Variants in ADAM2 observed in about 807,000 individuals in gnomAD.
The protein encoded by ADAM2 is ADAM metallopeptidase domain 2.
Under a neutral mutation model 99.3 loss-of-function variants are expected in ADAM2, and 101 were observed. The observed-to-expected ratio is 1.02, with a 90% CI of 0.87 to 1.20. The LOEUF is 1.20. Ranked by LOEUF, ADAM2 falls within the 50% of genes most tolerant of loss-of-function variation. The pLI is 0.00. For synonymous variants in ADAM2, 323 were observed against 287.6 expected, an observed-to-expected ratio of 1.12 and a Z score of -1.25; for missense variants, 948 against 878.7, an observed-to-expected ratio of 1.08 and a Z score of -1.00.
chr8:39,785,588 G>A (rs1156618448), intron 10 of ADAM2, among the ~76,000 whole-genome samples: 1 of 152,116 alleles, frequency 6.6e-6, no homozygotes, highest in Non-Finnish European at 1.5e-5. Flanking sequence ...ATGAGGTCAG[G>A]AGTTCAAGAC....
chr8:39,785,995 T>C (rs1443784095), intron 10 of ADAM2, among the ~76,000 whole-genome samples: 1 of 152,154 alleles, frequency 6.6e-6, no homozygotes, highest in Non-Finnish European at 1.5e-5. Flanking sequence ...AAAAGAATCA[T>C]AGCCTTTGCA....
chr8:39,772,777 G>A (rs539949943), intron 11 of ADAM2, among the ~76,000 whole-genome samples: 3 of 151,816 alleles, frequency 2.0e-5, no homozygotes, highest in African/African-American at 2.4e-5. Context: ...CAAAATAAAA[G>A]AATGGAGCAT....
At chr8:39,801,974 C>A (rs1054838406) in intron 7 of ADAM2, among the ~76,000 whole-genome samples, 3 of 152,110 alleles carry the variant, frequency 2.0e-5, no homozygotes, top group African/African-American at 7.2e-5. Context: ...TGCCCCTCCC[C>A]CAAGGAGCTC....
chr8:39,752,588 G>A (rs550650048), intron 16 of ADAM2, among the ~76,000 whole-genome samples: 73 of 152,290 alleles, frequency 4.8e-4, no homozygotes, highest in African/African-American at 1.7e-3. Context: ...AAGCAGTATA[G>A]ACTGCTAGGG....
At chr8:39,809,220 C>T (rs1406703862) in intron 7 of ADAM2, among the ~76,000 whole-genome samples, 190 bp downstream of exon 7, 2 of 151,982 alleles carry the variant, frequency 1.3e-5, no homozygotes, top group African/African-American at 2.4e-5. Context: ...CTTTATGTTG[C>T]TATTTATAAA....
At chr8:39,746,069 A>C (rs12541883) in intron 19 of ADAM2, among the ~76,000 whole-genome samples, 12 of 152,034 alleles carry the variant, frequency 7.9e-5, no homozygotes, top group Admixed American at 7.9e-4. Flanking sequence ...TCTGTTGCCT[A>C]GGCTAGAGTG....
intron 3 of ADAM2, among the ~76,000 whole-genome samples, chr8:39,829,822 G>C (rs776550626): frequency 6.6e-6 from 1 of 151,848 alleles, no homozygotes. Context: ...AATTACTTGC[G>C]ACAACATTGA....
chr8:39,753,033 T>G (rs1280649703), intron 16 of ADAM2, among the ~76,000 whole-genome samples: 1 of 151,960 alleles, frequency 6.6e-6, no homozygotes, highest in Non-Finnish European at 1.5e-5. Context: ...TACTAAAAAA[T>G]GTGGAAGCGA....
In ADAM2 at chr8:39,769,132, G is replaced by A. The variant is rs138382922; in HGVS notation, c.1212+260C>T. 2.8e-3 allele frequency among the ~76,000 whole-genome samples: 425 copies of A among 152,164 alleles called. 2 individuals are homozygous for A. Among genetic ancestry groups the A allele is most frequent in the African/African-American group, 9.9e-3 (410 of 41,516 alleles). On this transcript the variant is annotated intron_variant, in intron 12 of 20. Coordinates refer to ENST00000265708, the MANE Select transcript of ADAM2 (RefSeq NM_001464.5). ...AAATATATACAATTTAAAATTGTCA[G>A]CTATACCTCAAGAAAGCTAGAATAA...
chr8:39,787,914 A>G (rs1803541794), intron 9 of ADAM2, among the ~76,000 whole-genome samples, 171 bp downstream of exon 9: 1 of 151,832 alleles, frequency 6.6e-6, no homozygotes, highest in Non-Finnish European at 1.5e-5. Flanking sequence ...ACCAATAAAT[A>G]AATTGATATC....
intron 7 of ADAM2, among the ~76,000 whole-genome samples, chr8:39,794,590 G>A (rs1247986757): frequency 1.3e-5 from 2 of 152,060 alleles, no homozygotes; most frequent in African/African-American, 4.8e-5. Context: ...TGACCTAACT[G>A]GTTATGTTAT....
At chr8:39,787,542 CTATA>C (rs1280979289) in intron 9 of ADAM2, among the ~76,000 whole-genome samples, 3 of 128,264 alleles carry the variant, frequency 2.3e-5, no homozygotes, top group Non-Finnish European at 3.3e-5. Flanking sequence ...CTCTCTCTCT[CTATA>C]TATATATATA....
intron 16 of ADAM2, among the ~76,000 whole-genome samples, chr8:39,753,082 G>T (rs1802011870): frequency 6.6e-6 from 1 of 152,158 alleles, no homozygotes; most frequent in African/African-American, 2.4e-5. Context: ...GGAATCATTT[G>T]GAGGGCTAAG....
chr8:39,780,727 T>C (rs1803184904), intron 10 of ADAM2, among the ~76,000 whole-genome samples: 2 of 152,190 alleles, frequency 1.3e-5, no homozygotes, highest in South Asian at 4.1e-4. Context: ...TCATCTTAAG[T>C]AATAGAAACA....
intron 6 of ADAM2, among the ~76,000 whole-genome samples, chr8:39,812,952 C>CA (rs1459699145): frequency 6.6e-6 from 1 of 152,054 alleles, no homozygotes; most frequent in African/African-American, 2.4e-5. Context: ...TTTTGCACAG[C>CA]AAAAGAGACT....
intron 7 of ADAM2, among the ~76,000 whole-genome samples, chr8:39,794,848 CTTT>C (rs1214854817): frequency 1.3e-5 from 2 of 152,064 alleles, no homozygotes; most frequent in Non-Finnish European, 2.9e-5. Flanking sequence ...CCGCTTCCTT[CTTT>C]AACTCGGTGT....
intron 1 of ADAM2, 54 bp from the exon 2 acceptor site, chr8:39,837,266 G>T: frequency 7.9e-7 from 1 of 1,268,938 alleles, no homozygotes; most frequent in Non-Finnish European, 1.1e-6. Flanking sequence ...TTCAGAGCGT[G>T]TTTTATGAGT....
chr8:39,760,749 A>AC (rs397974199), intron 15 of ADAM2, among the ~76,000 whole-genome samples: 17 of 150,388 alleles, frequency 1.1e-4, no homozygotes, highest in African/African-American at 3.7e-4. Flanking sequence ...TAAAAAAAAA[A>AC]CACATTTTGC....
At position 39,775,345 on chromosome 8, in the gene ADAM2, A is replaced by G. The variant is rs577424970; in HGVS notation, c.1028+1680T>C. On this transcript the variant is annotated intron_variant, in intron 11 of 20. Coordinates refer to ENST00000265708, the MANE Select transcript of ADAM2 (RefSeq NM_001464.5). ...TTGTGCCCATTCTAAATAAATCCAC[A>G]TACTTCTTCCCTACACTTTCTTGTC... Among the ~76,000 whole-genome samples the G allele has an allele frequency of 2.6e-3, 397 of 152,236 alleles. 3 individuals carry two copies. The highest frequency in any genetic ancestry group is 3.3e-3 in the South Asian group (16 of 4,828).
Sources: gnomAD v4.1 joint callset for allele counts (sites outside exome capture counted in the v4.1 genomes callset) on GRCh38, gnomAD v4.1.1 for gene constraint, MANE v1.5 for transcripts, NCBI Gene and HGNC (gene_info 2026-07-23, HGNC 2026-07-21) for gene names.